Variants in SEMA3D observed in about 807,000 individuals in gnomAD.
The protein encoded by SEMA3D is semaphorin 3D.
A neutral mutation model predicts 100.1 loss-of-function variants in SEMA3D; 84 were observed. That is an observed-to-expected ratio of 0.84 (90% CI 0.70 to 1.01). The LOEUF is 1.01. SEMA3D is among the 50% of genes least tolerant of loss of function. The pLI is 0.00. For missense variants in SEMA3D, 875 were observed against 934.1 expected, an observed-to-expected ratio of 0.94 and a Z score of 0.82; for synonymous variants, 312 against 320.7, an observed-to-expected ratio of 0.97 and a Z score of 0.29.
chr7:85,233,001 T>C, the SEMA3D span, among the ~76,000 whole-genome samples: 3 of 152,174 alleles, frequency 2.0e-5, no homozygotes, highest in Admixed American at 6.5e-5. Context: ...CACACAATCC[T>C]CTTTAAATCC....
At chr7:85,060,528 C>T (rs1233689495) in intron 8 of SEMA3D, among the ~76,000 whole-genome samples, 2 of 152,190 alleles carry the variant, frequency 1.3e-5, no homozygotes, top group South Asian at 2.1e-4. Context: ...CTCCATTTGG[C>T]ACTTGAGTAC....
intron 3 of SEMA3D, among the ~76,000 whole-genome samples, chr7:85,110,559 C>T (rs1378266455): frequency 6.6e-6 from 1 of 151,858 alleles, no homozygotes; most frequent in Non-Finnish European, 1.5e-5. Flanking sequence ...ATAACAGTTG[C>T]AACTGATAAT....
At chr7:85,236,398 T>A in the SEMA3D span, among the ~76,000 whole-genome samples, 1 of 151,304 alleles carries the variant, frequency 6.6e-6, no homozygotes, top group Non-Finnish European at 1.5e-5. Flanking sequence ...ACCTCCAACT[T>A]CCCATTTCAA....
the SEMA3D span, among the ~76,000 whole-genome samples, chr7:85,199,993 G>A: frequency 2.0e-5 from 3 of 152,112 alleles, no homozygotes; most frequent in South Asian, 2.1e-4. Flanking sequence ...TGCCATCCAC[G>A]TAAGATGTGA....
rs1007970206 is a variant in SEMA3D, at chr7:84,997,523, T to C, written c.*1917A>G. 51 of 152,128 alleles carry C rather than the reference T, an allele frequency of 3.4e-4. No homozygotes were observed. The highest frequency in any genetic ancestry group is 1.2e-3 in the African/African-American group (50 of 41,458). 9.4% of individuals were successfully genotyped at this position (152,128 alleles called of 1,614,324 possible). On this transcript the variant is annotated 3_prime_UTR_variant, in exon 19 of 19. Coordinates refer to ENST00000284136, the MANE Select transcript of SEMA3D (RefSeq NM_001384900.1). Reference sequence around the variant, plus strand: ...AAAATTATTCCTTAGCTGTTCCTTATAGTGAAACACCTACAAATATTCATC... The same window carrying C: ...AAAATTATTCCTTAGCTGTTCCTTACAGTGAAACACCTACAAATATTCATC...
intron 4 of SEMA3D, among the ~76,000 whole-genome samples, chr7:85,097,029 A>G (rs1033605833): frequency 6.6e-6 from 1 of 151,792 alleles, no homozygotes; most frequent in East Asian, 1.9e-4. Flanking sequence ...AAGAGATCTG[A>G]TATTATGTAA....
chr7:85,091,609 G>A (rs1788397202), intron 4 of SEMA3D, among the ~76,000 whole-genome samples: 1 of 151,826 alleles, frequency 6.6e-6, no homozygotes, highest in Non-Finnish European at 1.5e-5. Flanking sequence ...ATTATTACTA[G>A]GACTACTTAA....
intron 2 of SEMA3D, chr7:85,151,729 A>C (rs1790427629): frequency 1.0e-6 from 1 of 959,604 alleles, no homozygotes; most frequent in Admixed American, 6.2e-5. Context: ...TTGTGGTAAT[A>C]TTTTCTGTTT....
At chr7:85,175,794 G>T (rs1200343688) in intron 1 of SEMA3D, among the ~76,000 whole-genome samples, 1 of 151,954 alleles carries the variant, frequency 6.6e-6, no homozygotes, top group Non-Finnish European at 1.5e-5. Flanking sequence ...ATTCGGTTAT[G>T]ATGGGGAACT....
chr7:85,136,990 A>C (rs1404837973), intron 2 of SEMA3D, among the ~76,000 whole-genome samples: 1 of 152,126 alleles, frequency 6.6e-6, no homozygotes, highest in Non-Finnish European at 1.5e-5. Context: ...TCAATATAAC[A>C]GGAATGTGAC....
chr7:85,145,757 A>G (rs1282770363), intron 2 of SEMA3D, among the ~76,000 whole-genome samples: 3 of 152,126 alleles, frequency 2.0e-5, no homozygotes, highest in Non-Finnish European at 4.4e-5. Context: ...ATCCCTCAAG[A>G]TTCGTGGGAT....
intron 18 of SEMA3D, 95 bp downstream of exon 18, chr7:85,006,707 A>T: frequency 1.0e-6 from 1 of 964,872 alleles, no homozygotes; most frequent in Admixed American, 3.0e-5. Context: ...TTAATCAAAT[A>T]ATGATGAGAG....
the SEMA3D span, among the ~76,000 whole-genome samples, chr7:85,212,622 C>T: frequency 6.6e-6 from 1 of 151,972 alleles, no homozygotes; most frequent in African/African-American, 2.4e-5. Context: ...GAGAAAAATG[C>T]TTCTTTTTAA....
chr7:85,137,503 G>T (rs75896914), intron 2 of SEMA3D, among the ~76,000 whole-genome samples: 5 of 151,972 alleles, frequency 3.3e-5, no homozygotes, highest in African/African-American at 9.6e-5. Context: ...CTTTAATAAT[G>T]TACACGCTAT....
intron 3 of SEMA3D, among the ~76,000 whole-genome samples, chr7:85,115,428 G>A (rs552965576): frequency 7.9e-5 from 12 of 152,138 alleles, no homozygotes; most frequent in Non-Finnish European, 1.5e-4. Context: ...AATATTATCA[G>A]TTATTAAAAT....
chr7:85,084,389 T>C (rs1788158723), intron 4 of SEMA3D, among the ~76,000 whole-genome samples: 1 of 152,206 alleles, frequency 6.6e-6, no homozygotes, highest in South Asian at 2.1e-4. Flanking sequence ...TTTTTCATCT[T>C]GCAAAAGTGA....
In SEMA3D at chr7:85,029,275, A is replaced by T. The variant is rs1408685055; in HGVS notation, c.1192-6662T>A. On this transcript the variant is annotated intron_variant, in intron 12 of 18. Coordinates refer to ENST00000284136, the MANE Select transcript of SEMA3D (RefSeq NM_001384900.1). ...CTCAATGTCTACTCTCACTGATGAC[A>T]AGGGCCATTTGAGCAAGGAAGACAT... is the stretch of plus-strand genomic sequence containing the variant. The T allele has an allele frequency of 8.1e-6, 7 of 860,060 alleles. No individual in the cohort carries two copies. In the Admixed American group the frequency reaches 1.2e-4, roughly 15 times the overall value. 53.3% of individuals were successfully genotyped at this position (860,060 alleles called of 1,614,324 possible). A position where few individuals can be genotyped will look rare whatever the true frequency, so the allele number is the denominator to read the frequency against.
intron 3 of SEMA3D, among the ~76,000 whole-genome samples, chr7:85,117,578 G>T (rs528447360): frequency 6.6e-6 from 1 of 152,166 alleles, no homozygotes; most frequent in African/African-American, 2.4e-5. Flanking sequence ...CAGGAGACAA[G>T]CCTGGGCAAC....
chr7:85,029,230 A>C lies in SEMA3D; in HGVS notation c.1192-6617T>G, dbSNP rs190173578. 3.2e-4 allele frequency: 237 copies of C among 738,728 alleles called. 2 individuals carry two copies. The African/African-American group carries it at 3.8e-3, about 12-fold the overall frequency. 45.8% of individuals were successfully genotyped at this position (738,728 alleles called of 1,614,324 possible). A position where few individuals can be genotyped will look rare whatever the true frequency, so the allele number is the denominator to read the frequency against. On this transcript the variant is annotated intron_variant, in intron 12 of 18. Transcript: ENST00000284136. ...GCTCATCAGATTGAAGTCACCTTTG[A>C]TATTAATGCCAAGGGCATCCTCAAT...
Sources: allele counts gnomAD v4.1 joint callset (sites outside exome capture counted in the v4.1 genomes callset), GRCh38; gene constraint gnomAD v4.1.1; transcripts MANE v1.5; gene names NCBI Gene and HGNC (gene_info 2026-07-23, HGNC 2026-07-21).